Variants in IP6K2 observed in about 807,000 individuals in gnomAD.
IP6K2 encodes ATP:1D-myo-inositol-hexakisphosphate phosphotransferase.
Under a neutral mutation model 43.3 loss-of-function variants are expected in IP6K2, and 9 were observed. The observed-to-expected ratio is 0.21, with a 90% CI of 0.13 to 0.36. IP6K2 has a LOEUF of 0.36. Ranked by LOEUF, IP6K2 falls within the 10% of genes least tolerant of loss-of-function variation. IP6K2 has a pLI of 1.00. For synonymous variants in IP6K2, 209 were observed against 202.4 expected (o/e 1.03, Z -0.28); for missense variants, 332 against 538.4 (o/e 0.62, Z 3.79).
rs1318915229 is a variant in IP6K2, at chr3:48,689,529, C to T, written c.780+9G>A. The T allele has an allele frequency of 1.2e-6, 2 of 1,606,494 alleles. No homozygotes were observed. Among genetic ancestry groups the T allele is most frequent in the Admixed American group, 3.4e-5 (2 of 59,396 alleles). On this transcript the variant is annotated intron_variant, in intron 5 of 5. Transcript: ENST00000328631. ...TGGATGCCCTAGCCAGCCCTAGCAT[C>T]CCCCTCACCTGCATGCCACACACAC...
intron 1 of IP6K2, among the ~76,000 whole-genome samples, chr3:48,704,575 C>T (rs1054529723): frequency 6.6e-6 from 1 of 151,484 alleles, no homozygotes; most frequent in Non-Finnish European, 1.5e-5. Flanking sequence ...CTCAAGTGAT[C>T]CTCCCACCTC....
At chr3:48,715,776 G>T (rs1165086534) in intron 1 of IP6K2, among the ~76,000 whole-genome samples, 3 of 138,490 alleles carry the variant, frequency 2.2e-5, no homozygotes. Flanking sequence ...ATCTTGAACT[G>T]CTGGGCTCAA....
chr3:48,715,462 G>A (rs2081087818), intron 1 of IP6K2: 1 of 1,535,584 alleles, frequency 6.5e-7, no homozygotes, highest in Admixed American at 2.0e-5. Context: ...CTTCTTTCCT[G>A]GCACATTCCA....
At chr3:48,711,497 A>C (rs935941185) in intron 1 of IP6K2, 2 of 152,230 alleles carry the variant, frequency 1.3e-5, no homozygotes, top group African/African-American at 4.8e-5. Flanking sequence ...TCATGCTCAG[A>C]TACAAACACA....
At chr3:48,715,587 C>G in intron 1 of IP6K2, 1 of 936,850 alleles carries the variant, frequency 1.1e-6, no homozygotes, top group Non-Finnish European at 1.6e-6. Context: ...TCTCCCAGGT[C>G]CCTGCCTTGC....
At chr3:48,702,740 G>A (rs1236393390) in intron 1 of IP6K2, among the ~76,000 whole-genome samples, 1 of 152,080 alleles carries the variant, frequency 6.6e-6, no homozygotes. Context: ...TTTCTTACTT[G>A]TCTTGTTAAT....
At chr3:48,691,247 A>C in intron 4 of IP6K2, 60 bp downstream of exon 4, 8 of 1,375,458 alleles carry the variant, frequency 5.8e-6, no homozygotes, top group African/African-American at 1.4e-5. Flanking sequence ...GCTCCAAGGG[A>C]CTTCCTCATT....
In IP6K2 at chr3:48,705,303, CG is replaced by C. The variant is rs2079581709; in HGVS notation, c.-130-9883del. ...AACTACTGGCCTCAAGTGATCTGCCCGCGTCAGCCTCCCAAAGTGCTGGGAT... is the reference window on the plus strand; with the variant it reads ...AACTACTGGCCTCAAGTGATCTGCCCCGTCAGCCTCCCAAAGTGCTGGGAT... On this transcript the variant is annotated intron_variant, in intron 1 of 5. Coordinates refer to ENST00000328631, the MANE Select transcript of IP6K2 (RefSeq NM_016291.4). 2.0e-5 allele frequency among the ~76,000 whole-genome samples: 3 copies of C among 151,266 alleles called. No individual in the cohort carries two copies. The South Asian group carries it at 6.3e-4, about 32-fold the overall frequency.
chr3:48,716,759 A>C (rs1399301508), intron 1 of IP6K2, among the ~76,000 whole-genome samples: 1 of 152,106 alleles, frequency 6.6e-6, no homozygotes, highest in African/African-American at 2.4e-5. Flanking sequence ...CACCCGCCAA[A>C]TATCTGGGGA....
intron 1 of IP6K2, among the ~76,000 whole-genome samples, chr3:48,702,046 C>T (rs2079115020): frequency 6.6e-6 from 1 of 152,060 alleles, no homozygotes; most frequent in South Asian, 2.1e-4. Context: ...TAAGGTCAGC[C>T]TTGACCTCTA....
chr3:48,694,903 C>T (rs2078150530), intron 2 of IP6K2, 187 bp downstream of exon 2: 1 of 1,542,750 alleles, frequency 6.5e-7, no homozygotes, highest in Non-Finnish European at 8.7e-7. Context: ...GCAATCTTAC[C>T]AGGGATTGAA....
intron 1 of IP6K2, among the ~76,000 whole-genome samples, chr3:48,712,970 G>A (rs540803865): frequency 6.6e-6 from 1 of 151,580 alleles, no homozygotes; most frequent in Non-Finnish European, 1.5e-5. Context: ...CCGAGATCGC[G>A]CCACTGCACT....
At position 48,697,106 on chromosome 3, in the gene IP6K2, C is replaced by T. The variant is rs188940820; in HGVS notation, c.-130-1685G>A. Among the ~76,000 whole-genome samples, 5 of 151,522 alleles carry T rather than the reference C, an allele frequency of 3.3e-5. No individual in the cohort carries two copies. In the East Asian group the frequency reaches 7.8e-4, roughly 24 times the overall value. ...CGAGATCTCGGCTCACTGCAAGCTCCGCCTCCCAGGTTCACGTCATTCTCC... is the reference window on the plus strand; with the variant it reads ...CGAGATCTCGGCTCACTGCAAGCTCTGCCTCCCAGGTTCACGTCATTCTCC... On this transcript the variant is annotated intron_variant, in intron 1 of 5. Transcript: ENST00000328631.
Position 48,695,324 on chromosome 3 carries a change from G to A in IP6K2, c.-33C>T. On this transcript the variant is annotated 5_prime_UTR_variant, in exon 2 of 6. Coordinates refer to ENST00000328631, the MANE Select transcript of IP6K2 (RefSeq NM_016291.4). This position sits in a 1 kb window ranked among gnomAD's most constrained non-coding sequence, Gnocchi z 4.6. The stretch of plus-strand genomic sequence containing the variant: ...GCGCAGATGGCGGGGAGATGGGGGA[G>A]GCAGCGGAGTCCAGCGGCCAGTACG... 1 of 1,593,814 alleles carries A rather than the reference G, an allele frequency of 6.3e-7. No homozygotes were observed. Among genetic ancestry groups the A allele is most frequent in the Non-Finnish European group, 8.6e-7 (1 of 1,168,448 alleles).
At chr3:48,702,444 C>T (rs1481087736) in intron 1 of IP6K2, among the ~76,000 whole-genome samples, 1 of 150,028 alleles carries the variant, frequency 6.7e-6, no homozygotes, top group Non-Finnish European at 1.5e-5. Context: ...CAAATGTCAC[C>T]CCCCCTTTTT....
chr3:48,693,877 T>C (rs573731224), intron 2 of IP6K2: 1 of 1,202,184 alleles, frequency 8.3e-7, no homozygotes, highest in East Asian at 4.1e-5. Flanking sequence ...GTGGTGGCCT[T>C]GAAAGCAGCT....
At chr3:48,698,719 C>T (rs1478724510) in intron 1 of IP6K2, among the ~76,000 whole-genome samples, 5 of 152,108 alleles carry the variant, frequency 3.3e-5, no homozygotes, top group South Asian at 4.1e-4. Flanking sequence ...TTGATCTGCC[C>T]GCCTTGGCCT....
At position 48,688,830 on chromosome 3, in the gene IP6K2, C is replaced by A; in HGVS notation, c.781-57G>T. 6.5e-7 allele frequency: 1 copy of A among 1,539,276 alleles called. No individual in the cohort carries two copies. Among genetic ancestry groups the A allele is most frequent in the Non-Finnish European group, 8.7e-7 (1 of 1,144,172 alleles). ...GAGGGCCATCTCAAACCCTGGACCCCGGGCGGGGGTGGGGTGGTGTGGTGG... is the reference window on the plus strand; with the variant it reads ...GAGGGCCATCTCAAACCCTGGACCCAGGGCGGGGGTGGGGTGGTGTGGTGG... On this transcript the variant is annotated intron_variant, in intron 5 of 5. Transcript: ENST00000328631. The surrounding 1 kb of genome is among the most constrained non-coding windows in gnomAD (Gnocchi z 5.1).
chr3:48,700,267 C>T (rs2078880808), intron 1 of IP6K2, among the ~76,000 whole-genome samples: 1 of 152,124 alleles, frequency 6.6e-6, no homozygotes, highest in South Asian at 2.1e-4. Flanking sequence ...AATCAGCTTC[C>T]TCCCTAGGAG....
Sources: gnomAD v4.1 joint callset for allele counts (sites outside exome capture counted in the v4.1 genomes callset) on GRCh38, gnomAD v4.1.1 for gene constraint, Gnocchi (gnomAD v3.1) non-coding constraint, MANE v1.5 for transcripts, NCBI Gene and HGNC (gene_info 2026-07-23, HGNC 2026-07-21) for gene names.